SLC75A1: variants seen among roughly 807,000 people sequenced by gnomAD.
SLC75A1 encodes the protein solute carrier family 75 member 1.
At chr4:2,932,039 C>T in the SLC75A1 span, 12 of 1,610,608 alleles carry the variant, frequency 7.5e-6, no homozygotes, top group Non-Finnish European at 9.3e-6. Context: ...TTGGTCGAGT[C>T]CTTACTGTCT....
At chr4:2,930,784 C>G in the SLC75A1 span, 1 of 1,588,316 alleles carries the variant, frequency 6.3e-7, no homozygotes, top group Non-Finnish European at 8.6e-7. Flanking sequence ...GGGCAGGGGC[C>G]TGACCTAGGC....
chr4:2,932,329 G>A, the SLC75A1 span: 3 of 1,607,206 alleles, frequency 1.9e-6, no homozygotes, highest in South Asian at 1.1e-5. Context: ...CTAGGCCTGT[G>A]GGTCCCAGAC....
the SLC75A1 span, chr4:2,930,633 C>T: frequency 1.7e-6 from 1 of 599,984 alleles, no homozygotes; most frequent in Non-Finnish European, 3.0e-6. Context: ...CAAACAGAAG[C>T]CCTGACAGCC....
At chr4:2,930,698 C>T in the SLC75A1 span, 4 of 872,660 alleles carry the variant, frequency 4.6e-6, no homozygotes, top group Non-Finnish European at 5.2e-6. Flanking sequence ...GGAGGAGCTG[C>T]CTGAGCTTCC....
the SLC75A1 span, chr4:2,932,725 T>C: frequency 6.3e-7 from 1 of 1,589,948 alleles, no homozygotes; most frequent in African/African-American, 1.4e-5. Flanking sequence ...CTCCGAGAGG[T>C]GGCCCAGACT....
the SLC75A1 span, chr4:2,933,186 C>T: frequency 6.2e-7 from 1 of 1,613,616 alleles, no homozygotes; most frequent in Non-Finnish European, 8.5e-7. Flanking sequence ...AACTGCAGGA[C>T]AGAGAATGCC....
chr4:2,931,221 G>A, the SLC75A1 span: 2 of 1,562,932 alleles, frequency 1.3e-6, no homozygotes. Flanking sequence ...AGGGAAGGGG[G>A]CTCACCATAG....
At chr4:2,932,656 G>A in the SLC75A1 span, 1 of 1,612,376 alleles carries the variant, frequency 6.2e-7, no homozygotes, top group Non-Finnish European at 8.5e-7. Context: ...GCCGTGGAGA[G>A]GCTGACGTTC....
At chr4:2,930,815 A>AC in the SLC75A1 span, 1 of 1,612,004 alleles carries the variant, frequency 6.2e-7, no homozygotes. Context: ...CCTGGTGCCC[A>AC]CAGCCTGGGC....
At chr4:2,931,963 A>C in the SLC75A1 span, 1 of 1,601,718 alleles carries the variant, frequency 6.2e-7, no homozygotes, top group South Asian at 1.1e-5. Flanking sequence ...CGTGCTGAGA[A>C]GGCGACCACA....
chr4:2,931,083 C>A, the SLC75A1 span: 1 of 1,598,828 alleles, frequency 6.3e-7, no homozygotes, highest in East Asian at 2.3e-5. Context: ...CCAGGGGCCC[C>A]GCGGCCCTGG....
chr4:2,930,641 G>C, the SLC75A1 span: 1 of 613,928 alleles, frequency 1.6e-6, no homozygotes, highest in Non-Finnish European at 2.9e-6. Context: ...AGCCCTGACA[G>C]CCTTGGAGTG....
At chr4:2,931,164 C>A in the SLC75A1 span, 1 of 1,557,634 alleles carries the variant, frequency 6.4e-7, no homozygotes, top group South Asian at 1.2e-5. Context: ...TGGGAAGAGG[C>A]ACAGTCAGGC....
the SLC75A1 span, chr4:2,933,445 A>T: frequency 8.9e-7 from 1 of 1,118,652 alleles, no homozygotes; most frequent in Non-Finnish European, 1.3e-6. Context: ...CAAGGGCACC[A>T]GACATGCCAG....
chr4:2,932,504 A>G, the SLC75A1 span: 1 of 1,613,500 alleles, frequency 6.2e-7, no homozygotes, highest in East Asian at 2.2e-5. Context: ...AGGCCACCCC[A>G]ATGACCGCCT....
chr4:2,931,218 G>A, the SLC75A1 span: 3 of 1,562,992 alleles, frequency 1.9e-6, no homozygotes, highest in Admixed American at 3.8e-5. Context: ...CCGAGGGAAG[G>A]GGGCTCACCA....
chr4:2,933,503 C>CT, the SLC75A1 span: 50 of 1,538,798 alleles, frequency 3.2e-5, no homozygotes, highest in Non-Finnish European at 4.1e-5. Context: ...GGGGCCTGGG[C>CT]TGGACCACGT....
At chr4:2,934,262 T>G in the SLC75A1 span, 1 of 298,026 alleles carries the variant, frequency 3.4e-6, no homozygotes, top group East Asian at 6.8e-5. Flanking sequence ...GAGAGAAAAC[T>G]TGAAGCCGCG....
the SLC75A1 span, chr4:2,933,249 C>T: frequency 6.3e-7 from 1 of 1,590,754 alleles, no homozygotes; most frequent in East Asian, 2.2e-5. Flanking sequence ...TGCCTGGCAC[C>T]ATGAGCTGTG....
Sources: allele counts gnomAD v4.1 joint callset, GRCh38; gene constraint gnomAD v4.1.1; transcripts MANE v1.5; gene names NCBI Gene and HGNC (gene_info 2026-07-23, HGNC 2026-07-21).